The following CDH18 variants were observed in gnomAD, a reference collection of about 807,000 sequenced individuals.
CDH18 encodes the protein cadherin 18.
A neutral mutation model predicts 67.9 loss-of-function variants in CDH18; 31 were observed. The observed-to-expected ratio is 0.46, with a 90% CI of 0.34 to 0.62. The LOEUF (loss-of-function observed/expected upper bound fraction) is 0.62, where lower values mean the gene tolerates loss of function less well. CDH18 is among the 20% of genes least tolerant of loss of function. CDH18 has a pLI of 0.01. For synonymous variants in CDH18, 362 were observed against 347.2 expected (o/e 1.04, Z -0.48); for missense variants, 890 against 975.5 (o/e 0.91, Z 1.17).
At chr5:19,620,263 AGAATTCCTTAAGG>A (rs1367972166) in intron 5 of CDH18, among the ~76,000 whole-genome samples, 1 of 152,234 alleles carries the variant, frequency 6.6e-6, no homozygotes, top group Admixed American at 6.5e-5. Context: ...ATGTGAATTA[AGAATTCCTTAAGG>A]GAATTCCTTT....
chr5:19,609,109 A>T (rs532110809), intron 6 of CDH18, among the ~76,000 whole-genome samples: 28 of 152,126 alleles, frequency 1.8e-4, no homozygotes, highest in African/African-American at 6.5e-4. Context: ...AAACTAGAAT[A>T]GGAAATGGCA....
intron 1 of CDH18, among the ~76,000 whole-genome samples, chr5:20,448,442 T>A (rs1321541363): frequency 2.0e-5 from 3 of 152,180 alleles, no homozygotes; most frequent in Non-Finnish European, 4.4e-5. Context: ...ATAAACTTTA[T>A]TTTTTCTTAA....
At chr5:20,017,160 A>G (rs1410631963) in intron 2 of CDH18, among the ~76,000 whole-genome samples, 1 of 152,164 alleles carries the variant, frequency 6.6e-6, no homozygotes, top group East Asian at 1.9e-4. Flanking sequence ...TTTATTTCTG[A>G]AAAACTAAAT....
intron 2 of CDH18, among the ~76,000 whole-genome samples, chr5:19,929,355 C>T (rs1034415301): frequency 6.6e-6 from 1 of 152,036 alleles, no homozygotes; most frequent in East Asian, 1.9e-4. Context: ...AAGAGCATTA[C>T]TATATGCAGA....
chr5:20,404,087 C>T (rs1345303104), intron 1 of CDH18, among the ~76,000 whole-genome samples: 1 of 152,176 alleles, frequency 6.6e-6, no homozygotes. Flanking sequence ...CTTCCACTAG[C>T]TTCCAACTTT....
At chr5:20,537,631 T>C (rs890095921) in intron 1 of CDH18, among the ~76,000 whole-genome samples, 2 of 152,056 alleles carry the variant, frequency 1.3e-5, no homozygotes, top group African/African-American at 4.8e-5. Flanking sequence ...CTTATATCTG[T>C]AAGTCATAAA....
At chr5:19,620,618 C>G (rs1053896821) in intron 5 of CDH18, among the ~76,000 whole-genome samples, 1 of 152,028 alleles carries the variant, frequency 6.6e-6, no homozygotes, top group Non-Finnish European at 1.5e-5. Context: ...TGGTCACTAT[C>G]TAAGAATTTG....
At chr5:20,326,140 A>C (rs1052163749) in intron 1 of CDH18, among the ~76,000 whole-genome samples, 3 of 152,190 alleles carry the variant, frequency 2.0e-5, no homozygotes, top group Non-Finnish European at 2.9e-5. Context: ...CCAAGTCATT[A>C]GTTCTCAACT....
At chr5:19,501,846 T>C (rs1448067687) in intron 11 of CDH18, among the ~76,000 whole-genome samples, 3 of 152,302 alleles carry the variant, frequency 2.0e-5, no homozygotes, top group Non-Finnish European at 4.4e-5. Flanking sequence ...TTCACATAGT[T>C]AATCATACTA....
chr5:20,184,655 G>A (rs1737951530), intron 2 of CDH18, among the ~76,000 whole-genome samples: 1 of 152,048 alleles, frequency 6.6e-6, no homozygotes, highest in African/African-American at 2.4e-5. Flanking sequence ...ACTGTGTATT[G>A]TTTTATGTCT....
intron 5 of CDH18, among the ~76,000 whole-genome samples, chr5:19,678,796 G>C (rs1759858815): frequency 6.6e-6 from 1 of 151,888 alleles, no homozygotes; most frequent in Non-Finnish European, 1.5e-5. Flanking sequence ...TTCTGAAATT[G>C]ATTCAGTAAT....
At chr5:20,151,291 A>C (rs1429885682) in intron 2 of CDH18, among the ~76,000 whole-genome samples, 1 of 152,154 alleles carries the variant, frequency 6.6e-6, no homozygotes, top group Non-Finnish European at 1.5e-5. Flanking sequence ...TTCCAGCTCC[A>C]TCCATGTTTG....
intron 2 of CDH18, among the ~76,000 whole-genome samples, chr5:20,097,813 A>C (rs1317444237): frequency 6.6e-6 from 1 of 152,098 alleles, no homozygotes; most frequent in Non-Finnish European, 1.5e-5. Context: ...GCATATATTT[A>C]AGGTTATTTT....
intron 9 of CDH18, among the ~76,000 whole-genome samples, chr5:19,540,296 T>C (rs908637326): frequency 4.6e-5 from 7 of 152,102 alleles, no homozygotes; most frequent in Admixed American, 3.3e-4. Context: ...TCCACCCCTG[T>C]GGCTTTGCAG....
chr5:19,684,579 A>AT (rs1405221476), intron 5 of CDH18, among the ~76,000 whole-genome samples: 1 of 151,388 alleles, frequency 6.6e-6, no homozygotes, highest in African/African-American at 2.4e-5. Context: ...ATACAAAGAG[A>AT]TTTTTTAATT....
At chr5:20,245,247 T>C (rs1166352212) in intron 2 of CDH18, among the ~76,000 whole-genome samples, 1 of 152,160 alleles carries the variant, frequency 6.6e-6, no homozygotes, top group Non-Finnish European at 1.5e-5. Flanking sequence ...GGCATTATAT[T>C]GTAGCACATT....
intron 6 of CDH18, among the ~76,000 whole-genome samples, chr5:19,599,191 C>T (rs756413574): frequency 4.0e-5 from 6 of 151,812 alleles, no homozygotes; most frequent in Non-Finnish European, 7.4e-5. Flanking sequence ...TATATGTACA[C>T]ACAGTGTTAT....
intron 2 of CDH18, among the ~76,000 whole-genome samples, chr5:20,006,247 G>A (rs979208794): frequency 2.0e-5 from 3 of 151,738 alleles, no homozygotes; most frequent in African/African-American, 7.3e-5. Context: ...AAGCAGAAAG[G>A]TTTGGGAGGA....
intron 1 of CDH18, among the ~76,000 whole-genome samples, chr5:20,370,661 G>T (rs1006803041): frequency 6.6e-6 from 1 of 152,172 alleles, no homozygotes; most frequent in Non-Finnish European, 1.5e-5. Context: ...GCCATACTTA[G>T]ATATTTATTT....
Sources: gnomAD v4.1 joint callset for allele counts (sites outside exome capture counted in the v4.1 genomes callset) on GRCh38, gnomAD v4.1.1 for gene constraint, MANE v1.5 for transcripts, NCBI Gene and HGNC (gene_info 2026-07-23, HGNC 2026-07-21) for gene names.